Variants in NUP214 observed in about 807,000 individuals in gnomAD.
NUP214 encodes nuclear pore complex protein Nup214.
Under a neutral mutation model 196.2 loss-of-function variants are expected in NUP214, and 79 were observed. That is an observed-to-expected ratio of 0.40 (90% CI 0.34 to 0.49). The LOEUF (loss-of-function observed/expected upper bound fraction) is 0.49. Among genes scored for constraint, NUP214 ranks in the 20% least tolerant of loss-of-function variants. NUP214 has a pLI of 0.58. For synonymous variants in NUP214, 1,020 were observed against 990.5 expected, an observed-to-expected ratio of 1.03 and a Z score of -0.56; for missense variants, 2,468 against 2,539.0, an observed-to-expected ratio of 0.97 and a Z score of 0.60.
intron 24 of NUP214, 78 bp from the exon 25 acceptor site, chr9:131,187,211 A>G (rs1006580933): frequency 8.0e-7 from 1 of 1,255,726 alleles, no homozygotes; most frequent in African/African-American, 1.5e-5. Context: ...TATATTGGAC[A>G]GAAGGTTGGC....
chr9:131,157,459 G>GTTTTTTT lies in NUP214; in HGVS notation c.2437-1907_2437-1901dup, dbSNP rs146677149. 9.4e-5 allele frequency among the ~76,000 whole-genome samples: 7 copies of GTTTTTTT among 74,698 alleles called. 1 individual carries two copies. The highest frequency in any genetic ancestry group is 1.2e-4 in the Non-Finnish European group (5 of 40,820). 49.0% of individuals were successfully genotyped at this position (74,698 alleles called of 152,430 possible). The stretch of plus-strand genomic sequence containing the variant: ...ACAGGTGTGAGCCACTGTGTCTGGC[G>GTTTTTTT]TTTTTTTTTTTTTTTTTTTTTTTGA... On this transcript the variant is annotated intron_variant, in intron 17 of 35. Coordinates refer to ENST00000359428, the MANE Select transcript of NUP214 (RefSeq NM_005085.4).
At chr9:131,145,978 TA>T in intron 12 of NUP214, 150 bp from the exon 13 acceptor site, 1 of 693,546 alleles carries the variant, frequency 1.4e-6, no homozygotes, top group Admixed American at 2.3e-5. Flanking sequence ...AAGAAATAGC[TA>T]AACATTTTTG....
chr9:131,156,154 A>C (rs1192833426), intron 17 of NUP214, among the ~76,000 whole-genome samples: 3 of 113,092 alleles, frequency 2.7e-5, no homozygotes, highest in Non-Finnish European at 3.4e-5. Flanking sequence ...TTTTTTTGAG[A>C]CGGAGTCTTG....
intron 10 of NUP214, among the ~76,000 whole-genome samples, 168 bp from the exon 11 acceptor site, chr9:131,140,381 T>C (rs991652556): frequency 6.6e-6 from 1 of 152,162 alleles, no homozygotes; most frequent in Non-Finnish European, 1.5e-5. Flanking sequence ...TCTCTTTAAA[T>C]AGCTGGTGCA....
rs1241990134 is a variant in NUP214, at chr9:131,198,375, C to T, written c.4881C>T (p.Gly1627=). 6.2e-7 allele frequency: 1 copy of T among 1,614,260 alleles called. No homozygotes were observed. The highest frequency in any genetic ancestry group is 1.7e-5 in the Admixed American group (1 of 60,034). ...ASSTTSIVAP[G]PSAEAAAFGT... ...GCACCACGTCCATTGTTGCTCCCGG[C>T]CCATCTGCAGAGGCAGCAGCATTTG... Residue 1627 remains glycine, a synonymous_variant, in exon 29 of 36, where the codon GGC becomes GGT. Coordinates refer to ENST00000359428, the MANE Select transcript of NUP214 (RefSeq NM_005085.4).
At chr9:131,132,726 A>T (rs1831594608) in intron 6 of NUP214, 67 bp downstream of exon 6, 4 of 1,341,816 alleles carry the variant, frequency 3.0e-6, no homozygotes, top group Non-Finnish European at 4.3e-6. Flanking sequence ...GAAATTCAAA[A>T]TCATGTAATG....
intron 17 of NUP214, among the ~76,000 whole-genome samples, chr9:131,157,123 C>A (rs1447745796): frequency 6.7e-6 from 1 of 150,150 alleles, no homozygotes; most frequent in African/African-American, 2.4e-5. Context: ...CAAGTGTACG[C>A]TACCACGTTT....
chr9:131,227,822 T>C (rs1834763324), intron 32 of NUP214, among the ~76,000 whole-genome samples: 1 of 152,188 alleles, frequency 6.6e-6, no homozygotes, highest in Middle Eastern at 3.4e-3. Flanking sequence ...GTGCACCGAG[T>C]GGGCTCTTGG....
Position 131,189,117 on chromosome 9 carries a change from G to C in NUP214, c.3560G>C (p.Gly1187Ala). 6.2e-7 allele frequency: 1 copy of C among 1,614,008 alleles called. No individual in the cohort carries two copies. The highest frequency in any genetic ancestry group is 8.5e-7 in the Non-Finnish European group (1 of 1,179,914). The change falls in exon 26 of 36, where the codon GGT becomes GCT. Residue 1187 changes from glycine (G) to alanine (A), a missense_variant. Coordinates refer to ENST00000359428, the MANE Select transcript of NUP214 (RefSeq NM_005085.4). Reference protein sequence around the residue: ...PTPASGQLSSGDKASGTAKIE... With the variant: ...PTPASGQLSSADKASGTAKIE... ...CCAGCATCCGGTCAGTTATCATCTG[G>C]TGACAAAGCTTCAGGTCAGTTTGCA...
rs1475382928 is a variant in NUP214, at chr9:131,198,267, TGGGC to T, written c.4774_4777del (p.Gly1592ArgfsTer24). On this transcript the variant is annotated frameshift_variant, in exon 29 of 36. Transcript: ENST00000359428. LOFTEE classifies it high-confidence loss of function. Reference sequence around the variant, plus strand: ...CACCTGCTTCCTCCTTTTCTGTGCCTGGGCAGACTGCTGTCACAGCAGCTGCTAT... The same window carrying T: ...CACCTGCTTCCTCCTTTTCTGTGCCTAGACTGCTGTCACAGCAGCTGCTAT... 1.2e-6 allele frequency: 2 copies of T among 1,614,216 alleles called. No homozygotes were observed. Among genetic ancestry groups the T allele is most frequent in the Non-Finnish European group, 1.7e-6 (2 of 1,180,030 alleles).
intron 9 of NUP214, chr9:131,136,456 G>C (rs1831731256): frequency 2.6e-5 from 4 of 155,700 alleles, no homozygotes; most frequent in African/African-American, 9.6e-5. Context: ...CTTCGCTTCT[G>C]TTCTTTTAGG....
intron 23 of NUP214, among the ~76,000 whole-genome samples, chr9:131,177,346 C>G (rs1432389050): frequency 6.6e-6 from 1 of 152,064 alleles, no homozygotes; most frequent in Non-Finnish European, 1.5e-5. Context: ...AGAATCTTGC[C>G]ATTGTGCTGA....
intron 26 of NUP214, chr9:131,190,335 A>G: frequency 1.7e-6 from 1 of 594,070 alleles, no homozygotes. Context: ...TTGGAGTTAG[A>G]ATCAAAGAAA....
chr9:131,196,067 T>G (rs1187317997), intron 28 of NUP214, among the ~76,000 whole-genome samples: 1 of 119,266 alleles, frequency 8.4e-6, no homozygotes, highest in Admixed American at 1.1e-4. Flanking sequence ...AATAGCATGT[T>G]TTTAACATTT....
intron 14 of NUP214, among the ~76,000 whole-genome samples, chr9:131,148,227 G>A (rs1439374003): frequency 1.3e-5 from 2 of 152,164 alleles, no homozygotes; most frequent in African/African-American, 4.8e-5. Flanking sequence ...TAGCCTGCCT[G>A]TACCTCCTAT....
Position 131,140,467 on chromosome 9 carries a change from C to G in NUP214, c.1133-82C>G. ...TCAGATGAGTCCCTTAAACCCTCTT[C>G]ATGTTGAGGGCAGTCTTTGCCTTCT... On this transcript the variant is annotated intron_variant, in intron 10 of 35. Transcript: ENST00000359428. 6.6e-6 allele frequency: 8 copies of G among 1,217,898 alleles called. No homozygotes were observed. In the South Asian group the frequency reaches 1.0e-4, roughly 16 times the overall value. The allele number at this position is 1,217,898 out of a possible 1,614,324, so 75.4% of individuals were successfully genotyped here. A position where few individuals can be genotyped will look rare whatever the true frequency, so the allele number is the denominator to read the frequency against.
chr9:131,222,832 G>A lies in NUP214; in HGVS notation c.5804G>A (p.Ser1935Asn). Residue 1935 changes from serine to asparagine, a missense_variant, in exon 32 of 36, where the codon AGC becomes AAC. Ser to Asn is a conservative substitution (Grantham distance 46). Around this residue, in one of 5 missense-constraint regions of NUP214, gnomAD observed 262 missense variants for 296.5 expected, o/e 0.88. Transcript: ENST00000359428. ...GCCAAGACATTTGGTGGATTTGCCA[G>A]CTCGTCGTTTGGAGAGCAGAAACCC... Reference protein sequence around the residue: ...SGAKTFGGFASSSFGEQKPTG... With the variant: ...SGAKTFGGFANSSFGEQKPTG... 1 of 1,614,204 alleles carries A rather than the reference G, an allele frequency of 6.2e-7. No homozygotes were observed. Among genetic ancestry groups the A allele is most frequent in the Non-Finnish European group, 8.5e-7 (1 of 1,180,040 alleles).
At chr9:131,196,027 C>CGT (rs1265684954) in intron 28 of NUP214, among the ~76,000 whole-genome samples, 577 of 24,312 alleles carry the variant, frequency 0.024, 199 homozygotes, top group Non-Finnish European at 0.084. Flanking sequence ...TCTGTGTGTC[C>CGT]CCCCCCCCCC....
At chr9:131,144,089 C>G (rs1320335374) in intron 11 of NUP214, among the ~76,000 whole-genome samples, 191 bp from the exon 12 acceptor site, 1 of 152,102 alleles carries the variant, frequency 6.6e-6, no homozygotes, top group African/African-American at 2.4e-5. Flanking sequence ...CTTAGTTTTC[C>G]TTCAGTTTCA....
Sources: gnomAD v4.1 joint callset for allele counts (sites outside exome capture counted in the v4.1 genomes callset) on GRCh38, gnomAD v4.1.1 for gene constraint, gnomAD v4.1.1 regional missense constraint, MANE v1.5 for transcripts, NCBI Gene and HGNC (gene_info 2026-07-23, HGNC 2026-07-21) for gene names.